The following COL4A6 variants were observed in gnomAD, a reference collection of about 807,000 sequenced individuals.
The protein encoded by COL4A6 is collagen alpha-6(IV) chain.
In COL4A6, 59 loss-of-function variants were observed where a neutral mutation model predicts 126.7. The observed-to-expected ratio is 0.47, with a 90% CI of 0.38 to 0.58. The LOEUF (loss-of-function observed/expected upper bound fraction) is 0.58. Among genes scored for constraint, COL4A6 ranks in the 20% least tolerant of loss-of-function variants. The pLI, the probability that COL4A6 is intolerant of heterozygous loss-of-function variation, is 0.00. For synonymous variants in COL4A6, 547 were observed against 496.6 expected (o/e 1.10, Z -1.35); for missense variants, 1,285 against 1,337.3 (o/e 0.96, Z 0.61).
chrX:108,204,593 G>T (rs767976991), intron 11 of COL4A6, 181 bp from the exon 12 acceptor site: 1 of 530,707 alleles, frequency 1.9e-6, no homozygotes, highest in East Asian at 3.4e-5. Flanking sequence ...TTATAAGCCC[G>T]ACCAGTGAAT....
intron 12 of COL4A6, among the ~76,000 whole-genome samples, chrX:108,203,726 G>C (rs1158102149): frequency 1.8e-5 from 2 of 112,463 alleles, no homozygotes; most frequent in African/African-American, 6.5e-5. Context: ...CAACCATGTA[G>C]GTAGTATACA....
intron 3 of COL4A6, among the ~76,000 whole-genome samples, chrX:108,289,485 A>C (rs7064147): frequency 0.063 from 7,020 of 111,439 alleles, 513 homozygotes; most frequent in African/African-American, 0.2. Context: ...TGAAGGTTTG[A>C]AAATGTTCAA....
In COL4A6 at chrX:108,183,237, A is replaced by G. The variant is rs370610902; in HGVS notation, c.1952-2269T>C. On this transcript the variant is annotated intron_variant, in intron 23 of 44. Coordinates refer to ENST00000334504, the MANE Select transcript of COL4A6 (RefSeq NM_033641.4). The stretch of plus-strand genomic sequence containing the variant: ...TTCTGTTTAGTAATTGCAACAAATG[A>G]CCTAATTATTCAGAATTTTTCCCAT... Among the ~76,000 whole-genome samples, 7 of 112,163 alleles carry G rather than the reference A, an allele frequency of 6.2e-5. No individual in the cohort carries two copies. In the East Asian group the frequency reaches 1.1e-3, roughly 18 times the overall value.
chrX:108,341,129 T>G (rs1420688198), intron 2 of COL4A6, among the ~76,000 whole-genome samples: 2 of 111,417 alleles, frequency 1.8e-5, no homozygotes, highest in Non-Finnish European at 3.8e-5. Flanking sequence ...TGAACCTACC[T>G]AAACATCCAT....
At chrX:108,366,415 T>C (rs1046992577) in intron 2 of COL4A6, among the ~76,000 whole-genome samples, 4 of 112,419 alleles carry the variant, frequency 3.6e-5, no homozygotes, top group African/African-American at 9.7e-5. Context: ...GGGGCACTTA[T>C]GAAATTATCT....
Position 108,191,516 on chromosome X carries a change from C to T in COL4A6, c.1198G>A (p.Gly400Arg). Residue 400 changes from glycine (G) to arginine (R), a missense_variant, in exon 19 of 45, where the codon GGG becomes AGG. Physicochemically the swap from Gly to Arg is moderately radical, Grantham distance 125. Transcript: ENST00000334504. ...TTCAGCCCTGGAAATCCCTGAGGCC[C>T]TAGGGCTCCTGGGACACCTGGAAGA... ...PALSGVPGALGPQGFPGLKGD... is the reference protein window; with the variant it reads ...PALSGVPGALRPQGFPGLKGD... The T allele has an allele frequency of 8.3e-7, 1 of 1,209,481 alleles. No individual in the cohort carries two copies. The highest frequency in any genetic ancestry group is 1.1e-6 in the Non-Finnish European group (1 of 894,515).
intron 2 of COL4A6, among the ~76,000 whole-genome samples, chrX:108,355,517 A>C (rs2039940898): frequency 8.9e-6 from 1 of 112,359 alleles, no homozygotes; most frequent in Non-Finnish European, 1.9e-5. Flanking sequence ...CCCTGGCCCC[A>C]TGGAGCTTAT....
intron 3 of COL4A6, among the ~76,000 whole-genome samples, chrX:108,255,560 C>A (rs2036979802): frequency 9.0e-6 from 1 of 110,926 alleles, no homozygotes; most frequent in Admixed American, 9.7e-5. Context: ...CTTCTCTTTT[C>A]TTTCCCCTAA....
At chrX:108,371,595 A>C (rs955831393) in intron 2 of COL4A6, among the ~76,000 whole-genome samples, 26 of 106,014 alleles carry the variant, frequency 2.5e-4, no homozygotes, top group Middle Eastern at 4.7e-3. Flanking sequence ...AAAAAAAAAA[A>C]ACTCTTTTAA....
At chrX:108,248,780 G>T (rs1003211277) in intron 3 of COL4A6, among the ~76,000 whole-genome samples, 7 of 110,856 alleles carry the variant, frequency 6.3e-5, no homozygotes, top group Non-Finnish European at 1.1e-4. Flanking sequence ...CACAGTGAGA[G>T]GTGAGCAGAG....
rs780678705 is a variant in COL4A6, at chrX:108,179,232, G to A, written c.2338C>T (p.Leu780Phe). ...AAAGATTCACCCTTGAGTCCTGGAA[G>A]GCCAGAGTCTCCAAGAAATCCTTTG... The part of the protein sequence containing the change: ...GHKGFLGDSG[L>F]PGLKGVHGKP... The change falls in exon 26 of 45, where the codon CTT becomes TTT. Residue 780 changes from leucine to phenylalanine, a missense_variant. Physicochemically the swap from Leu to Phe is conservative, Grantham distance 22. Coordinates refer to ENST00000334504, the MANE Select transcript of COL4A6 (RefSeq NM_033641.4). The A allele has an allele frequency of 2.2e-5, 26 of 1,208,844 alleles. No homozygotes were observed. In the South Asian group the frequency reaches 4.4e-4, roughly 21 times the overall value.
chrX:108,281,965 C>A (rs1452062343), intron 3 of COL4A6, among the ~76,000 whole-genome samples: 1 of 110,043 alleles, frequency 9.1e-6, no homozygotes, highest in Non-Finnish European at 1.9e-5. Context: ...GAAACTGGAT[C>A]CCTTCCTTAC....
At chrX:108,200,173 A>G (rs2035346344) in intron 13 of COL4A6, among the ~76,000 whole-genome samples, 3 of 112,547 alleles carry the variant, frequency 2.7e-5, no homozygotes, top group Non-Finnish European at 5.6e-5. Context: ...GTGAGCTACT[A>G]TGTTATTTTC....
At chrX:108,369,041 A>G (rs2040267263) in intron 2 of COL4A6, among the ~76,000 whole-genome samples, 1 of 112,284 alleles carries the variant, frequency 8.9e-6, no homozygotes, top group Non-Finnish European at 1.9e-5. Context: ...TACGAAAACC[A>G]GTAATAGTAG....
chrX:108,434,866 C>A (rs892449756), intron 2 of COL4A6, among the ~76,000 whole-genome samples: 33 of 109,593 alleles, frequency 3.0e-4, no homozygotes, highest in African/African-American at 8.9e-4. Context: ...TATTTGCTAG[C>A]AGGTAAAGTA....
At chrX:108,289,259 G>T (rs1454399640) in intron 3 of COL4A6, among the ~76,000 whole-genome samples, 2 of 108,341 alleles carry the variant, frequency 1.8e-5, no homozygotes, top group African/African-American at 6.7e-5. Context: ...GTGTGTGTGT[G>T]TGTGTGTGTG....
chrX:108,186,320 C>G (rs2034858483), intron 23 of COL4A6, among the ~76,000 whole-genome samples: 2 of 111,736 alleles, frequency 1.8e-5, no homozygotes, highest in African/African-American at 6.5e-5. Context: ...ATTTGAAAAA[C>G]TAGGCATGAG....
intron 3 of COL4A6, among the ~76,000 whole-genome samples, chrX:108,310,058 A>G (rs1335050619): frequency 9.0e-6 from 1 of 111,285 alleles, no homozygotes; most frequent in Non-Finnish European, 1.9e-5. Flanking sequence ...TATAATAAAA[A>G]TGCATTTATT....
intron 2 of COL4A6, among the ~76,000 whole-genome samples, chrX:108,359,836 A>G: frequency 8.9e-6 from 1 of 112,395 alleles, no homozygotes; most frequent in Non-Finnish European, 1.9e-5. Flanking sequence ...TTTCAGGGTA[A>G]TACCGCCTAC....
Sources: allele counts gnomAD v4.1 joint callset (sites outside exome capture counted in the v4.1 genomes callset), GRCh38; gene constraint gnomAD v4.1.1; transcripts MANE v1.5; gene names NCBI Gene and HGNC (gene_info 2026-07-23, HGNC 2026-07-21).